The following PLA2G10 variants were observed in gnomAD, a reference collection of about 807,000 sequenced individuals.
PLA2G10 encodes the protein group 10 secretory phospholipase A2.
In PLA2G10, 9 loss-of-function variants were observed where a neutral mutation model predicts 7.9. That is an observed-to-expected ratio of 1.14 (90% CI 0.68 to 1.98). The LOEUF (loss-of-function observed/expected upper bound fraction) is 1.98. PLA2G10 is among the 30% of genes most tolerant of loss of function. The probability of loss-of-function intolerance (pLI) is 0.00; values close to 1 mark genes in which losing one functional copy is unlikely to be tolerated. For missense variants in PLA2G10, 53 were observed against 65.4 expected (o/e 0.81, Z 0.66); for synonymous variants, 19 against 27.5 (o/e 0.69, Z 0.97).
chr16:14,677,473 T>G (rs1458369079), intron 3 of PLA2G10, among the ~76,000 whole-genome samples: 1 of 152,158 alleles, frequency 6.6e-6, no homozygotes, highest in East Asian at 1.9e-4. Context: ...TTCAAGCGAT[T>G]CTCCTGCCTC....
intron 3 of PLA2G10, among the ~76,000 whole-genome samples, chr16:14,683,572 G>C (rs183861503): frequency 6.6e-6 from 1 of 151,926 alleles, no homozygotes; most frequent in African/African-American, 2.4e-5. Flanking sequence ...GATTCAATGG[G>C]GAAGAGTCTC....
chr16:14,680,857 TGACA>T (rs1262519394), intron 3 of PLA2G10, among the ~76,000 whole-genome samples: 11 of 152,078 alleles, frequency 7.2e-5, no homozygotes, highest in Non-Finnish European at 1.5e-4. Context: ...TAATATTTGT[TGACA>T]GACCAGAGAA....
chr16:14,684,541 C>T (rs1367818214), intron 3 of PLA2G10, among the ~76,000 whole-genome samples: 1 of 151,832 alleles, frequency 6.6e-6, no homozygotes, highest in Non-Finnish European at 1.5e-5. Flanking sequence ...TGGCGGGCAC[C>T]TGAAATCCCA....
At chr16:14,675,932 CAAAA>C (rs59516741) in intron 3 of PLA2G10, among the ~76,000 whole-genome samples, 1 of 46,678 alleles carries the variant, frequency 2.1e-5, no homozygotes, top group Non-Finnish European at 4.7e-5. Flanking sequence ...GAGCAAGACT[CAAAA>C]AAAAAAAAAA....
chr16:14,677,988 A>G (rs890698480), intron 3 of PLA2G10, among the ~76,000 whole-genome samples: 1 of 152,180 alleles, frequency 6.6e-6, no homozygotes, highest in African/African-American at 2.4e-5. Context: ...AGACAGATGA[A>G]TGGATAAACA....
intron 3 of PLA2G10, among the ~76,000 whole-genome samples, chr16:14,682,776 A>G (rs1373658808): frequency 6.6e-6 from 1 of 151,620 alleles, no homozygotes. Context: ...TTCCCATCCA[A>G]TCTGTTTCTC....
intron 3 of PLA2G10, among the ~76,000 whole-genome samples, chr16:14,684,087 G>A (rs181762091): frequency 1.5e-4 from 23 of 152,150 alleles, no homozygotes; most frequent in South Asian, 2.1e-4. Flanking sequence ...ATGGCGGGGC[G>A]TGGTGGCTCG....
chr16:14,677,598 C>T (rs915099153), intron 3 of PLA2G10, among the ~76,000 whole-genome samples: 25 of 152,292 alleles, frequency 1.6e-4, no homozygotes, highest in Middle Eastern at 3.4e-3. Context: ...ATCTCTTGAC[C>T]TCGTGATCTG....
chr16:14,678,507 G>A (rs534646744), intron 3 of PLA2G10: 94 of 231,948 alleles, frequency 4.1e-4, no homozygotes, highest in South Asian at 3.0e-3. Context: ...GGTGGCTCAC[G>A]CCTGTAATCC....
At chr16:14,682,289 A>G (rs746455014) in intron 3 of PLA2G10, among the ~76,000 whole-genome samples, 14 of 152,320 alleles carry the variant, frequency 9.2e-5, no homozygotes, top group Non-Finnish European at 5.9e-5. Context: ...ATCTAAAAAC[A>G]TACTTCAAGT....
chr16:14,677,523 C>T (rs996860579), intron 3 of PLA2G10, among the ~76,000 whole-genome samples: 23 of 152,120 alleles, frequency 1.5e-4, no homozygotes, highest in Non-Finnish European at 4.4e-5. Context: ...CACACCACCA[C>T]GCCTAGTTAA....
chr16:14,674,333 G>A (rs995023662), intron 3 of PLA2G10, among the ~76,000 whole-genome samples: 1 of 152,156 alleles, frequency 6.6e-6, no homozygotes, highest in Admixed American at 6.6e-5. Flanking sequence ...CAGATTCAAT[G>A]CAATTCCTAT....
At position 14,675,003 on chromosome 16, in the gene PLA2G10, C is replaced by T. The variant is rs1414564132; in HGVS notation, c.356-2254G>A. Among the ~76,000 whole-genome samples, 4 of 152,042 alleles carry T rather than the reference C, an allele frequency of 2.6e-5. No homozygotes were observed. The East Asian group carries it at 7.7e-4, about 29-fold the overall frequency. On this transcript the variant is annotated intron_variant, in intron 3 of 3. Transcript: ENST00000438167. ...CCTGACCAACATGGAGAAACCTCGT[C>T]TCTACTAAAAATACAAAATTAGCTG...
intron 3 of PLA2G10, among the ~76,000 whole-genome samples, chr16:14,677,868 T>C (rs1407567424): frequency 6.8e-6 from 1 of 146,558 alleles, no homozygotes; most frequent in East Asian, 2.0e-4. Flanking sequence ...GATGGATGGA[T>C]GGATGGATGG....
At chr16:14,675,320 A>G (rs900017270) in intron 3 of PLA2G10, among the ~76,000 whole-genome samples, 21 of 152,128 alleles carry the variant, frequency 1.4e-4, no homozygotes, top group South Asian at 6.2e-4. Context: ...ATATACATCA[A>G]CTCAAGATGG....
At chr16:14,673,274 C>T (rs372173935) in intron 3 of PLA2G10, among the ~76,000 whole-genome samples, 8 of 152,110 alleles carry the variant, frequency 5.3e-5, no homozygotes, top group Admixed American at 1.3e-4. Flanking sequence ...CCACCTACCT[C>T]GGCCTCCGAA....
chr16:14,680,354 C>T (rs1406667423), intron 3 of PLA2G10, among the ~76,000 whole-genome samples: 7 of 152,030 alleles, frequency 4.6e-5, no homozygotes, highest in Admixed American at 4.6e-4. Flanking sequence ...CCAGCCTAAG[C>T]CTCTCAAAGT....
At chr16:14,686,706 G>A (rs1236004925) in intron 3 of PLA2G10, among the ~76,000 whole-genome samples, 2 of 152,036 alleles carry the variant, frequency 1.3e-5, no homozygotes, top group African/African-American at 4.8e-5. Context: ...CACCATTGAG[G>A]CTGCTCTCAA....
Position 14,673,021 on chromosome 16 carries a change from T to C in PLA2G10, c.356-272A>G, listed in dbSNP as rs546145157. On this transcript the variant is annotated intron_variant, in intron 3 of 3. Coordinates refer to ENST00000438167, the MANE Select transcript of PLA2G10 (RefSeq NM_003561.3). ...CACGATTTCTTTTTTCTTTTCTTTT[T>C]TTTTTTTTTTTTTTCTGAGATGGGG... Among the ~76,000 whole-genome samples, 119 of 149,112 alleles carry C rather than the reference T, an allele frequency of 8.0e-4. 1 individual carries two copies. Among genetic ancestry groups the C allele is most frequent in the South Asian group, 6.0e-3 (28 of 4,692 alleles).
Sources: allele counts gnomAD v4.1 joint callset (sites outside exome capture counted in the v4.1 genomes callset), GRCh38; gene constraint gnomAD v4.1.1; transcripts MANE v1.5; gene names NCBI Gene and HGNC (gene_info 2026-07-23, HGNC 2026-07-21).